GRXCR1: variants seen among roughly 807,000 people sequenced by gnomAD.
The protein encoded by GRXCR1 is glutaredoxin and cysteine rich domain containing 1, also known as glutaredoxin domain-containing cysteine-rich protein 1.
Under a neutral mutation model 27.3 loss-of-function variants are expected in GRXCR1, and 27 were observed. That is an observed-to-expected ratio of 0.99 (90% CI 0.73 to 1.37). The LOEUF (loss-of-function observed/expected upper bound fraction) is 1.37, where lower values mean the gene tolerates loss of function less well. Among genes scored for constraint, GRXCR1 ranks in the 40% most tolerant of loss-of-function variants. The pLI is 0.00. For missense variants in GRXCR1, 379 were observed against 354.4 expected (o/e 1.07, Z -0.56); for synonymous variants, 122 against 131.1 (o/e 0.93, Z 0.47).
At chr4:42,951,724 A>C (rs1325749373) in intron 1 of GRXCR1, among the ~76,000 whole-genome samples, 1 of 152,160 alleles carries the variant, frequency 6.6e-6, no homozygotes, top group African/African-American at 2.4e-5. Context: ...ACTAATTTAC[A>C]TTCCCACCAA....
intron 2 of GRXCR1, among the ~76,000 whole-genome samples, chr4:43,006,481 G>A (rs886375790): frequency 2.6e-5 from 4 of 152,136 alleles, no homozygotes; most frequent in African/African-American, 9.7e-5. Flanking sequence ...TCCCCCAGGT[G>A]CATCTGTCTC....
chr4:42,919,231 C>G (rs771152576), intron 1 of GRXCR1, among the ~76,000 whole-genome samples: 10 of 152,064 alleles, frequency 6.6e-5, no homozygotes, highest in Admixed American at 2.6e-4. Flanking sequence ...GACAGTCATG[C>G]CTTTCAGTTC....
chr4:42,934,087 A>G lies in GRXCR1; in HGVS notation c.385-28805A>G, dbSNP rs182260704. ...TATCCAAATGAAGGAGTTCTAAATC[A>G]GAAAGGAGCAGACAACTTGTGGACT... is the stretch of plus-strand genomic sequence containing the variant. On this transcript the variant is annotated intron_variant, in intron 1 of 3. Coordinates refer to ENST00000399770, the MANE Select transcript of GRXCR1 (RefSeq NM_001080476.3). Among the ~76,000 whole-genome samples the G allele has an allele frequency of 4.1e-3, 630 of 152,038 alleles. 3 individuals carry two copies. The highest frequency in any genetic ancestry group is 0.014 in the African/African-American group (591 of 41,526).
At chr4:42,966,960 T>C (rs1198279390) in intron 2 of GRXCR1, among the ~76,000 whole-genome samples, 1 of 152,124 alleles carries the variant, frequency 6.6e-6, no homozygotes, top group African/African-American at 2.4e-5. Flanking sequence ...ACTAGATATG[T>C]CTTTTGCAGG....
chr4:42,986,604 A>G (rs1348339874), intron 2 of GRXCR1, among the ~76,000 whole-genome samples: 1 of 152,218 alleles, frequency 6.6e-6, no homozygotes, highest in East Asian at 1.9e-4. Context: ...ATGCCGATCT[A>G]TACTTTTTAC....
intron 2 of GRXCR1, among the ~76,000 whole-genome samples, chr4:42,972,023 A>G (rs2109779854): frequency 6.6e-6 from 1 of 152,178 alleles, no homozygotes; most frequent in South Asian, 2.1e-4. Flanking sequence ...CAGCCTCCCA[A>G]GTATCTGGCA....
At chr4:42,918,344 C>A (rs111465191) in intron 1 of GRXCR1, among the ~76,000 whole-genome samples, 1 of 152,154 alleles carries the variant, frequency 6.6e-6, no homozygotes, top group Non-Finnish European at 1.5e-5. Flanking sequence ...AGCACTGTTG[C>A]GTTGGTGATT....
At chr4:42,935,193 T>G (rs2109759429) in intron 1 of GRXCR1, among the ~76,000 whole-genome samples, 1 of 152,004 alleles carries the variant, frequency 6.6e-6, no homozygotes, top group African/African-American at 2.4e-5. Flanking sequence ...TTATAGACTC[T>G]TAGAGAGAAA....
At position 42,938,164 on chromosome 4, in the gene GRXCR1, T is replaced by C. The variant is rs148474983; in HGVS notation, c.385-24728T>C. On this transcript the variant is annotated intron_variant, in intron 1 of 3. Coordinates refer to ENST00000399770, the MANE Select transcript of GRXCR1 (RefSeq NM_001080476.3). ...TTAATATTTAGCCCCAATAAATGAG[T>C]TACAATATGTGAAGCTTGTCTTTCT... 5.9e-3 allele frequency among the ~76,000 whole-genome samples: 902 copies of C among 152,120 alleles called. 33 individuals are homozygous for C. Among genetic ancestry groups the C allele is most frequent in the Admixed American group, 0.053 (809 of 15,244 alleles).
intron 2 of GRXCR1, among the ~76,000 whole-genome samples, chr4:42,978,319 G>A (rs1003017644): frequency 2.6e-5 from 4 of 151,916 alleles, no homozygotes; most frequent in Non-Finnish European, 5.9e-5. Flanking sequence ...ATGAATTTTA[G>A]GATAACTTTT....
At chr4:42,908,718 G>A (rs187958762) in intron 1 of GRXCR1, among the ~76,000 whole-genome samples, 7 of 152,282 alleles carry the variant, frequency 4.6e-5, no homozygotes, top group Non-Finnish European at 7.4e-5. Flanking sequence ...CAGACAACAA[G>A]GAATGGTGGT....
At chr4:42,936,997 G>C (rs1747475889) in intron 1 of GRXCR1, among the ~76,000 whole-genome samples, 1 of 151,856 alleles carries the variant, frequency 6.6e-6, no homozygotes, top group Non-Finnish European at 1.5e-5. Flanking sequence ...TCTTTGGAAA[G>C]AAGTCATTCA....
chr4:43,022,685 A>C (rs1221349771), intron 3 of GRXCR1, among the ~76,000 whole-genome samples: 1 of 152,148 alleles, frequency 6.6e-6, no homozygotes, highest in Non-Finnish European at 1.5e-5. Context: ...GTTTAAGAGG[A>C]AGTAAAGAGA....
At chr4:42,896,754 A>T (rs531156089) in intron 1 of GRXCR1, among the ~76,000 whole-genome samples, 2 of 152,260 alleles carry the variant, frequency 1.3e-5, no homozygotes, top group South Asian at 4.1e-4. Flanking sequence ...GGTAAATAAA[A>T]ATATTAATGT....
Position 42,913,707 on chromosome 4 carries a change from C to T in GRXCR1, c.384+20057C>T, listed in dbSNP as rs1746817425. ...ATCACCAAGCCAATGGGGAAAATAT[C>T]ACCAGGTCATGTCAGAGACCTTCAT... On this transcript the variant is annotated intron_variant, in intron 1 of 3. Coordinates refer to ENST00000399770, the MANE Select transcript of GRXCR1 (RefSeq NM_001080476.3). Among the ~76,000 whole-genome samples the T allele has an allele frequency of 7.9e-5, 12 of 152,160 alleles. No homozygotes were observed. In the South Asian group the frequency reaches 2.5e-3, roughly 32 times the overall value.
rs554554963 is a variant in GRXCR1 at position 42,935,218 on chromosome 4, T to C, written c.385-27674T>C. 2.6e-5 allele frequency among the ~76,000 whole-genome samples: 4 copies of C among 152,046 alleles called. No homozygotes were observed. In the South Asian group the frequency reaches 8.3e-4, roughly 31 times the overall value. ...TTAGAGAGAAAGATACACAGCTGCA[T>C]GCACTCAGAGACAGAAACAGTAGCA... On this transcript the variant is annotated intron_variant, in intron 1 of 3. Coordinates refer to ENST00000399770, the MANE Select transcript of GRXCR1 (RefSeq NM_001080476.3).
At chr4:42,895,877 C>A (rs1191508456) in intron 1 of GRXCR1, among the ~76,000 whole-genome samples, 4 of 151,944 alleles carry the variant, frequency 2.6e-5, no homozygotes, top group African/African-American at 9.6e-5. Flanking sequence ...ATGACTTTTC[C>A]CCCTATATAT....
intron 1 of GRXCR1, among the ~76,000 whole-genome samples, chr4:42,916,302 G>T (rs979618467): frequency 6.6e-6 from 1 of 152,048 alleles, no homozygotes; most frequent in East Asian, 1.9e-4. Context: ...AAGGCTAAAT[G>T]GTAGTTAAAG....
In GRXCR1 at chr4:42,893,256, T is replaced by G; in HGVS notation, c.-11T>G. 1.9e-6 allele frequency: 3 copies of G among 1,613,342 alleles called. No individual in the cohort carries two copies. Among genetic ancestry groups the G allele is most frequent in the East Asian group, 2.2e-5 (1 of 44,814 alleles). On this transcript the variant is annotated 5_prime_UTR_variant, in exon 1 of 4. Transcript: ENST00000399770. ...GAATGCTGTAAACTGTTCATATGGG[T>G]GGAGGTGACCATGCTTAAAAGGGAG...
Sources: allele counts gnomAD v4.1 joint callset (sites outside exome capture counted in the v4.1 genomes callset), GRCh38; gene constraint gnomAD v4.1.1; transcripts MANE v1.5; gene names NCBI Gene and HGNC (gene_info 2026-07-23, HGNC 2026-07-21).